The following CDH8 variants were observed in gnomAD, a reference collection of about 807,000 sequenced individuals.
CDH8 encodes the protein cadherin 8.
Under a neutral mutation model 68.1 loss-of-function variants are expected in CDH8, and 17 were observed. The ratio of observed to expected loss-of-function variants is 0.25; its 90% confidence interval spans 0.17 to 0.37. The LOEUF is 0.37. CDH8 is among the 10% of genes least tolerant of loss of function. The pLI is 1.00. For missense variants in CDH8, 763 were observed against 999.3 expected (o/e 0.76, Z 3.19); for synonymous variants, 372 against 365.1 (o/e 1.02, Z -0.21).
At chr16:61,859,540 GC>G (rs1261536452) in intron 3 of CDH8, among the ~76,000 whole-genome samples, 1 of 152,116 alleles carries the variant, frequency 6.6e-6, no homozygotes, top group Non-Finnish European at 1.5e-5. Context: ...CTCTGTTAGG[GC>G]CTCCGGATTT....
At position 61,647,649 on chromosome 16, in the gene CDH8, T is replaced by C. The variant is rs1596826215; in HGVS notation, c.*5959A>G. On this transcript the variant is annotated 3_prime_UTR_variant, in exon 12 of 12. Transcript: ENST00000577390. ...GGTGATCCCAATGACTCCTAAATTG[T>C]CATGGTCCATCTTAGAGCATAATTG... is the stretch of plus-strand genomic sequence containing the variant. 3 of 581,392 alleles carry C rather than the reference T, an allele frequency of 5.2e-6. No individual in the cohort carries two copies. The highest frequency in any genetic ancestry group is 5.8e-5 in the East Asian group (2 of 34,476). The allele number at this position is 581,392 out of a possible 1,614,324, so 36.0% of individuals were successfully genotyped here. A position where few individuals can be genotyped will look rare whatever the true frequency, so the allele number is the denominator to read the frequency against.
At chr16:61,955,419 A>G (rs1597088109) in intron 2 of CDH8, among the ~76,000 whole-genome samples, 1 of 152,200 alleles carries the variant, frequency 6.6e-6, no homozygotes, top group East Asian at 1.9e-4. Context: ...TCTGTATGCC[A>G]CCGTCCTTTT....
At chr16:61,829,267 T>G (rs1227932437) in intron 4 of CDH8, among the ~76,000 whole-genome samples, 1 of 151,868 alleles carries the variant, frequency 6.6e-6, no homozygotes, top group Non-Finnish European at 1.5e-5. Context: ...CCTTTGTTCC[T>G]TAAGGTCTAG....
intron 2 of CDH8, among the ~76,000 whole-genome samples, chr16:62,005,950 T>A (rs978800368): frequency 2.6e-5 from 4 of 151,956 alleles, no homozygotes; most frequent in Non-Finnish European, 4.4e-5. Flanking sequence ...GATTTAGGAG[T>A]GGATGTCTTA....
Position 61,648,807 on chromosome 16 carries a change from T to A in CDH8, c.*4801A>T, listed in dbSNP as rs1963259964. On this transcript the variant is annotated 3_prime_UTR_variant, in exon 12 of 12. Coordinates refer to ENST00000577390, the MANE Select transcript of CDH8 (RefSeq NM_001796.5). Reference sequence around the variant, plus strand: ...TCAGATAGTCCATCAAGTCAGGAAATTTTTAAATTTTATGTCCTCCATAAC... The same window carrying A: ...TCAGATAGTCCATCAAGTCAGGAAAATTTTAAATTTTATGTCCTCCATAAC... 6.6e-6 allele frequency: 1 copy of A among 151,958 alleles called. No individual in the cohort carries two copies. Among genetic ancestry groups the A allele is most frequent in the African/African-American group, 2.4e-5 (1 of 41,436 alleles). The allele number at this position is 151,958 out of a possible 1,614,324, so 9.4% of individuals were successfully genotyped here. A position where few individuals can be genotyped will look rare whatever the true frequency, so the allele number is the denominator to read the frequency against.
chr16:61,925,838 A>C (rs1964448024), intron 2 of CDH8, among the ~76,000 whole-genome samples: 1 of 152,218 alleles, frequency 6.6e-6, no homozygotes, highest in African/African-American at 2.4e-5. Flanking sequence ...ACAACAAAGC[A>C]AAACAGAGTC....
intron 10 of CDH8, among the ~76,000 whole-genome samples, chr16:61,709,046 C>T (rs1448252142): frequency 6.6e-6 from 1 of 151,944 alleles, no homozygotes; most frequent in Non-Finnish European, 1.5e-5. Flanking sequence ...ACAGTTTCTG[C>T]TTGTTGTTTG....
chr16:61,766,398 C>T (rs1430775865), intron 8 of CDH8, among the ~76,000 whole-genome samples: 1 of 151,926 alleles, frequency 6.6e-6, no homozygotes, highest in Non-Finnish European at 1.5e-5. Context: ...GTTTGATGGA[C>T]ACTTATGTTG....
chr16:61,984,666 C>T (rs1486351448), intron 2 of CDH8, among the ~76,000 whole-genome samples: 2 of 151,720 alleles, frequency 1.3e-5, no homozygotes, highest in Non-Finnish European at 2.9e-5. Flanking sequence ...TTTTATAATG[C>T]CTTTTGATAA....
At chr16:61,707,670 T>C (rs1964558756) in intron 10 of CDH8, among the ~76,000 whole-genome samples, 1 of 152,210 alleles carries the variant, frequency 6.6e-6, no homozygotes, top group South Asian at 2.1e-4. Context: ...CAATGTTGTA[T>C]CTATAAAGTG....
intron 2 of CDH8, among the ~76,000 whole-genome samples, chr16:61,938,802 A>G (rs543783539): frequency 1.3e-5 from 2 of 152,300 alleles, no homozygotes; most frequent in Admixed American, 6.5e-5. Flanking sequence ...ACCTGACTTC[A>G]GTGTGTACAC....
intron 2 of CDH8, among the ~76,000 whole-genome samples, chr16:61,902,350 GA>G: frequency 6.6e-6 from 1 of 152,172 alleles, no homozygotes; most frequent in East Asian, 1.9e-4. Flanking sequence ...TTAAGGTTCT[GA>G]CAATTTTCTC....
chr16:61,783,029 C>T (rs1596963834), intron 8 of CDH8, among the ~76,000 whole-genome samples: 1 of 149,328 alleles, frequency 6.7e-6, no homozygotes, highest in East Asian at 2.0e-4. Flanking sequence ...ACGCAGAGCG[C>T]CTCTCCTCCT....
intron 2 of CDH8, among the ~76,000 whole-genome samples, chr16:62,006,258 T>A (rs189528489): frequency 1.4e-4 from 21 of 152,304 alleles, no homozygotes; most frequent in Non-Finnish European, 2.6e-4. Context: ...CACTTTTCCA[T>A]GAGAGCTTTG....
At chr16:61,886,134 C>A (rs1246642948) in intron 3 of CDH8, among the ~76,000 whole-genome samples, 2 of 152,156 alleles carry the variant, frequency 1.3e-5, no homozygotes, top group South Asian at 2.1e-4. Context: ...GTGCAGCAGT[C>A]GATGGCAGAC....
chr16:61,766,976 A>G (rs1960612179), intron 8 of CDH8, among the ~76,000 whole-genome samples: 1 of 151,982 alleles, frequency 6.6e-6, no homozygotes, highest in South Asian at 2.1e-4. Context: ...TGCTTTGGAT[A>G]AAACAATCTG....
intron 8 of CDH8, among the ~76,000 whole-genome samples, chr16:61,737,331 A>AAGC (rs1186449483): frequency 6.6e-6 from 1 of 152,210 alleles, no homozygotes; most frequent in Non-Finnish European, 1.5e-5. Flanking sequence ...AGAAGGGTAG[A>AAGC]AGCTATGAGC....
chr16:61,718,637 T>C (rs947446749), intron 9 of CDH8, among the ~76,000 whole-genome samples: 1 of 151,320 alleles, frequency 6.6e-6, no homozygotes, highest in Non-Finnish European at 1.5e-5. Context: ...TTTCCTGAAA[T>C]ATTAACATCT....
chr16:61,828,430 T>C (rs1340696106), intron 4 of CDH8, among the ~76,000 whole-genome samples: 3 of 151,902 alleles, frequency 2.0e-5, no homozygotes, highest in African/African-American at 7.2e-5. Context: ...ACTTCTTTCT[T>C]GCACAGCATC....
Sources: gnomAD v4.1 joint callset for allele counts (sites outside exome capture counted in the v4.1 genomes callset) on GRCh38, gnomAD v4.1.1 for gene constraint, MANE v1.5 for transcripts, NCBI Gene and HGNC (gene_info 2026-07-23, HGNC 2026-07-21) for gene names.